The following MPZL1 variants were observed in gnomAD, a reference collection of about 807,000 sequenced individuals.
MPZL1 encodes myelin protein zero-like protein 1.
In MPZL1, 16 loss-of-function variants were observed where a neutral mutation model predicts 29.3. The ratio of observed to expected loss-of-function variants is 0.55; its 90% CI spans 0.37 to 0.83. The LOEUF is 0.83. MPZL1 is among the 40% of genes least tolerant of loss of function. The pLI, the probability that MPZL1 is intolerant of heterozygous loss-of-function variation, is 0.00. For synonymous variants in MPZL1, 143 were observed against 132.0 expected (o/e 1.08, Z -0.57); for missense variants, 279 against 332.9 (o/e 0.84, Z 1.26).
At chr1:167,747,514 C>G (rs1469171536) in intron 1 of MPZL1, among the ~76,000 whole-genome samples, 1 of 152,198 alleles carries the variant, frequency 6.6e-6, no homozygotes, top group African/African-American at 2.4e-5. Context: ...CACACCAGGT[C>G]TTTTATTTCA....
chr1:167,730,773 G>T (rs995512822), intron 1 of MPZL1, among the ~76,000 whole-genome samples: 4 of 152,132 alleles, frequency 2.6e-5, no homozygotes, highest in Non-Finnish European at 5.9e-5. Context: ...GGCTGTGCAG[G>T]TCCTTTTGCC....
At chr1:167,725,144 C>T (rs985196277) in intron 1 of MPZL1, among the ~76,000 whole-genome samples, 1 of 152,192 alleles carries the variant, frequency 6.6e-6, no homozygotes, top group African/African-American at 2.4e-5. Context: ...CTGATTCTTC[C>T]CTGTCCTTCA....
rs143607026 is a variant in MPZL1, at chr1:167,742,667, T to C, written c.91+20425T>C. Among the ~76,000 whole-genome samples the C allele has an allele frequency of 6.7e-4, 102 of 152,292 alleles. 1 individual carries two copies. The South Asian group carries it at 9.9e-3, about 15-fold the overall frequency. On this transcript the variant is annotated intron_variant, in intron 1 of 5. Coordinates refer to ENST00000359523, the MANE Select transcript of MPZL1 (RefSeq NM_003953.6). ...AGTCCCAGCTATTTATCTTTGTTTT[T>C]GTTGCATTTGCTTTTGGGTCTTGGT... is the stretch of plus-strand genomic sequence containing the variant.
At position 167,776,149 on chromosome 1, in the gene MPZL1, C is replaced by T; in HGVS notation, c.691C>T (p.Pro231Ser). 2 of 1,612,128 alleles carry T rather than the reference C, an allele frequency of 1.2e-6. No individual in the cohort carries two copies. Among genetic ancestry groups the T allele is most frequent in the African/African-American group, 1.3e-5 (1 of 74,926 alleles). ...SDTEGLVKSLPSGSHQGPVIY... is the reference protein window; with the variant it reads ...SDTEGLVKSLSSGSHQGPVIY... ...CACTGAGGGTCTTGTAAAGAGTCTG[C>T]CTTCTGGATCTCACCAGGTAATGGC... Residue 231 changes from proline (P) to serine (S), a missense_variant, in exon 5 of 6, where the codon CCT (proline) becomes TCT (serine). By Grantham distance (74) the Pro-to-Ser change is moderately conservative (BLOSUM62 -1). Transcript: ENST00000359523.
intron 1 of MPZL1, among the ~76,000 whole-genome samples, chr1:167,731,318 C>T (rs1341842315): frequency 2.5e-4 from 1 of 3,948 alleles, no homozygotes; most frequent in Non-Finnish European, 4.6e-4. Flanking sequence ...CACCTGTTAT[C>T]CCAGCTATTC....
chr1:167,728,958 C>A (rs550393744), intron 1 of MPZL1, among the ~76,000 whole-genome samples: 1 of 152,024 alleles, frequency 6.6e-6, no homozygotes, highest in South Asian at 2.1e-4. Flanking sequence ...GAGTTTATTA[C>A]GTGCATTTTA....
At chr1:167,722,390 C>A in intron 1 of MPZL1, 148 bp downstream of exon 1, 1 of 1,210,448 alleles carries the variant, frequency 8.3e-7, no homozygotes, top group Non-Finnish European at 1.0e-6. Flanking sequence ...GCCGAGGGGA[C>A]CCAGCCCATG....
intron 1 of MPZL1, among the ~76,000 whole-genome samples, chr1:167,760,747 C>CTGTGTGTGTGTGTG (rs58963124): frequency 1.8e-4 from 22 of 120,186 alleles, no homozygotes; most frequent in East Asian, 1.0e-3. Context: ...GTTGAATAGG[C>CTGTGTGTGTGTGTG]TGTGTGTGTG....
rs1045475128 is a variant in MPZL1 at position 167,752,799 on chromosome 1, A to G, written c.92-12784A>G. Among the ~76,000 whole-genome samples the G allele has an allele frequency of 4.6e-5, 7 of 152,280 alleles. No homozygotes were observed. The South Asian group carries it at 1.2e-3, about 27-fold the overall frequency. ...CATTTAAGGGCAGGTTGGTTTCCTTATTTTAGGAAAAAAAATAGTGCTTAT... is the reference window on the plus strand; with the variant it reads ...CATTTAAGGGCAGGTTGGTTTCCTTGTTTTAGGAAAAAAAATAGTGCTTAT... On this transcript the variant is annotated intron_variant, in intron 1 of 5. Coordinates refer to ENST00000359523, the MANE Select transcript of MPZL1 (RefSeq NM_003953.6).
intron 1 of MPZL1, among the ~76,000 whole-genome samples, chr1:167,738,359 A>G (rs976593541): frequency 2.0e-5 from 3 of 152,224 alleles, no homozygotes; most frequent in Non-Finnish European, 4.4e-5. Flanking sequence ...ACAAAAATGA[A>G]CATGAAGACC....
At chr1:167,729,569 CATAG>C (rs1660222425) in intron 1 of MPZL1, among the ~76,000 whole-genome samples, 2 of 152,256 alleles carry the variant, frequency 1.3e-5, no homozygotes, top group South Asian at 4.1e-4. Context: ...AATTAGGAAG[CATAG>C]ATAGAGGACT....
In MPZL1 at chr1:167,725,175, C is replaced by G. The variant is rs576861661; in HGVS notation, c.91+2933C>G. Among the ~76,000 whole-genome samples, 3 of 152,318 alleles carry G rather than the reference C, an allele frequency of 2.0e-5. No individual in the cohort carries two copies. In the South Asian group the frequency reaches 6.2e-4, roughly 32 times the overall value. On this transcript the variant is annotated intron_variant, in intron 1 of 5. Coordinates refer to ENST00000359523, the MANE Select transcript of MPZL1 (RefSeq NM_003953.6). ...CTTCACATCCAATCAGTTCTCCCAT[C>G]TTTAAAATGCATCTGGAATTGATGT...
intron 1 of MPZL1, among the ~76,000 whole-genome samples, chr1:167,757,452 G>A (rs576128753): frequency 2.6e-5 from 4 of 152,244 alleles, no homozygotes; most frequent in African/African-American, 9.6e-5. Flanking sequence ...GTGTATGTGT[G>A]TACAGTTTAC....
Position 167,740,384 on chromosome 1 carries a change from C to T in MPZL1, c.91+18142C>T, listed in dbSNP as rs143562755. Among the ~76,000 whole-genome samples, 438 of 152,310 alleles carry T rather than the reference C, an allele frequency of 2.9e-3. 2 individuals are homozygous for T. Among genetic ancestry groups the T allele is most frequent in the African/African-American group, 0.01 (427 of 41,568 alleles). The stretch of plus-strand genomic sequence containing the variant: ...GCCACTCCATTGAAACTTCTCCTAT[C>T]AGGATCACCAGAGGACTCCAGGTTG... On this transcript the variant is annotated intron_variant, in intron 1 of 5. Coordinates refer to ENST00000359523, the MANE Select transcript of MPZL1 (RefSeq NM_003953.6).
chr1:167,724,268 G>C (rs1293352074), intron 1 of MPZL1, among the ~76,000 whole-genome samples: 1 of 152,196 alleles, frequency 6.6e-6, no homozygotes, highest in Non-Finnish European at 1.5e-5. Flanking sequence ...TGGGAGGTTG[G>C]AGTGTATATA....
intron 1 of MPZL1, among the ~76,000 whole-genome samples, chr1:167,733,931 A>ATC (rs1446529698): frequency 6.6e-6 from 1 of 151,790 alleles, no homozygotes; most frequent in Non-Finnish European, 1.5e-5. Context: ...TCCTCTGGAC[A>ATC]CTCACAGGTG....
intron 1 of MPZL1, among the ~76,000 whole-genome samples, chr1:167,751,602 C>G (rs950005338): frequency 1.3e-5 from 2 of 148,596 alleles, no homozygotes; most frequent in African/African-American, 2.5e-5. Flanking sequence ...ACCTAGGAGG[C>G]AGAGGTTGCA....
intron 1 of MPZL1, among the ~76,000 whole-genome samples, chr1:167,747,731 C>CTT (rs904468001): frequency 6.8e-6 from 1 of 148,076 alleles, no homozygotes; most frequent in Non-Finnish European, 1.5e-5. Flanking sequence ...TCTACAGCTG[C>CTT]TTTTTTTTTT....
At chr1:167,786,785 C>T (rs762873210) in intron 5 of MPZL1, among the ~76,000 whole-genome samples, 1 of 152,178 alleles carries the variant, frequency 6.6e-6, no homozygotes, top group Non-Finnish European at 1.5e-5. Context: ...CTTATGATTT[C>T]AAAGGTGAAA....
Sources: allele counts gnomAD v4.1 joint callset (sites outside exome capture counted in the v4.1 genomes callset), GRCh38; gene constraint gnomAD v4.1.1; transcripts MANE v1.5; gene names NCBI Gene and HGNC (gene_info 2026-07-23, HGNC 2026-07-21).